GADL1: variants seen among roughly 807,000 people sequenced by gnomAD.
The protein encoded by GADL1 is acidic amino acid decarboxylase GADL1.
In GADL1, 71 loss-of-function variants were observed where a neutral mutation model predicts 69.5. The observed-to-expected ratio is 1.02, with a 90% confidence interval of 0.84 to 1.25. The LOEUF (loss-of-function observed/expected upper bound fraction) is 1.25. Among genes scored for constraint, GADL1 ranks in the 50% most tolerant of loss-of-function variants. GADL1 has a pLI of 0.00. For synonymous variants in GADL1, 254 were observed against 214.4 expected (o/e 1.18, Z -1.62); for missense variants, 737 against 631.8 (o/e 1.17, Z -1.79).
chr3:30,745,930 T>TCCTTCC (rs1156269252), intron 14 of GADL1, among the ~76,000 whole-genome samples: 190 of 151,902 alleles, frequency 1.3e-3, no homozygotes, highest in African/African-American at 4.3e-3. Context: ...CTTCTTCTTC[T>TCCTTCC]CCTTCCCCTT....
At chr3:30,877,079 TATTC>T (rs1301202663) in intron 1 of GADL1, among the ~76,000 whole-genome samples, 12 of 151,884 alleles carry the variant, frequency 7.9e-5, no homozygotes, top group Non-Finnish European at 1.0e-4. Flanking sequence ...TTTGGACAAA[TATTC>T]ATAGCACCCT....
chr3:30,786,998 A>G, intron 12 of GADL1, among the ~76,000 whole-genome samples: 1 of 152,176 alleles, frequency 6.6e-6, no homozygotes, highest in East Asian at 1.9e-4. Context: ...CTGAACAGTG[A>G]GAACACATGG....
At chr3:30,759,862 G>GAT (rs780388949) in intron 14 of GADL1, among the ~76,000 whole-genome samples, 1 of 152,152 alleles carries the variant, frequency 6.6e-6, no homozygotes, top group South Asian at 2.1e-4. Flanking sequence ...AATGTCGGCA[G>GAT]ATATAACAGA....
In GADL1 at chr3:30,870,634, A is replaced by AT. The variant is rs574798078; in HGVS notation, c.38-8870dup. Among the ~76,000 whole-genome samples, 160 of 151,788 alleles carry AT rather than the reference A, an allele frequency of 1.1e-3. 3 individuals carry two copies. The highest frequency in any genetic ancestry group is 3.6e-3 in the African/African-American group (150 of 41,288). On this transcript the variant is annotated intron_variant, in intron 1 of 14. Coordinates refer to ENST00000282538, the MANE Select transcript of GADL1 (RefSeq NM_207359.3). Reference sequence around the variant, plus strand: ...GAACTGTCAAAAGACAGATGTGGAAATAGGGAGACTGCTTAGGTCACAACT... The same window carrying AT: ...GAACTGTCAAAAGACAGATGTGGAAATTAGGGAGACTGCTTAGGTCACAACT...
intron 1 of GADL1, among the ~76,000 whole-genome samples, chr3:30,893,329 C>T (rs1291698854): frequency 2.6e-5 from 4 of 152,068 alleles, no homozygotes; most frequent in African/African-American, 9.7e-5. Context: ...TCAACACATA[C>T]ATACATTGTT....
chr3:30,861,551 T>C lies in GADL1; in HGVS notation c.210+42A>G, dbSNP rs770020040. The stretch of plus-strand genomic sequence containing the variant: ...GCCATACTGATTTGGGGAACATCTA[T>C]CTTTCCCATTTCTGCAATTTCTTAC... On this transcript the variant is annotated intron_variant, in intron 2 of 14. Coordinates refer to ENST00000282538, the MANE Select transcript of GADL1 (RefSeq NM_207359.3). 3 of 1,435,548 alleles carry C rather than the reference T, an allele frequency of 2.1e-6. No homozygotes were observed. The South Asian group carries it at 3.9e-5, about 19-fold the overall frequency. The allele number at this position is 1,435,548 out of a possible 1,614,324, so 88.9% of individuals were successfully genotyped here.
chr3:30,816,527 T>TTCC (rs1559507822), intron 11 of GADL1, among the ~76,000 whole-genome samples: 1 of 126,080 alleles, frequency 7.9e-6, no homozygotes, highest in Admixed American at 8.6e-5. Context: ...CTTAATTTGT[T>TTCC]TTCTTTTTTT....
At chr3:30,851,370 C>T (rs1287943576) in intron 4 of GADL1, among the ~76,000 whole-genome samples, 2 of 152,108 alleles carry the variant, frequency 1.3e-5, no homozygotes, top group African/African-American at 2.4e-5. Flanking sequence ...CTAACAGTCC[C>T]CTCTAGATAT....
rs150682195 is a variant in GADL1 at position 30,789,046 on chromosome 3, G to A, written c.1251-2640C>T. ...ATGAGTCATCAGTGTTTTCAGTGGT[G>A]TATAAAAGGGTAAACCCATAAAATT... is the stretch of plus-strand genomic sequence containing the variant. On this transcript the variant is annotated intron_variant, in intron 12 of 14. Coordinates refer to ENST00000282538, the MANE Select transcript of GADL1 (RefSeq NM_207359.3). Among the ~76,000 whole-genome samples the A allele has an allele frequency of 1.5e-3, 229 of 152,268 alleles. 1 individual carries two copies. Among genetic ancestry groups the A allele is most frequent in the African/African-American group, 5.4e-3 (224 of 41,556 alleles).
At chr3:30,767,866 C>CCTTAT (rs1553637252) in intron 14 of GADL1, among the ~76,000 whole-genome samples, 2 of 152,034 alleles carry the variant, frequency 1.3e-5, no homozygotes, top group South Asian at 2.1e-4. Context: ...TACCCTTATT[C>CCTTAT]AAATTTATAA....
At chr3:30,797,429 A>AGATC (rs1697059478) in intron 12 of GADL1, among the ~76,000 whole-genome samples, 2 of 152,194 alleles carry the variant, frequency 1.3e-5, no homozygotes, top group African/African-American at 2.4e-5. Context: ...ACTAAAACTT[A>AGATC]AATAGCATGT....
chr3:30,732,127 C>A (rs73823682), intron 14 of GADL1, among the ~76,000 whole-genome samples: 21 of 152,288 alleles, frequency 1.4e-4, no homozygotes, highest in African/African-American at 5.1e-4. Context: ...CAGGCATAAT[C>A]CAATGCTAGG....
At chr3:30,871,578 T>G (rs182722775) in intron 1 of GADL1, among the ~76,000 whole-genome samples, 3 of 151,916 alleles carry the variant, frequency 2.0e-5, no homozygotes, top group Admixed American at 2.0e-4. Flanking sequence ...TGGGAGAAAA[T>G]CACTCTGTGC....
At chr3:30,867,455 T>C (rs899505740) in intron 1 of GADL1, among the ~76,000 whole-genome samples, 11 of 149,774 alleles carry the variant, frequency 7.3e-5, no homozygotes, top group Admixed American at 6.7e-4. Flanking sequence ...TATATGTATA[T>C]ATATACATAT....
At chr3:30,742,242 G>A (rs1695636585) in intron 14 of GADL1, among the ~76,000 whole-genome samples, 2 of 151,180 alleles carry the variant, frequency 1.3e-5, no homozygotes, top group African/African-American at 4.8e-5. Context: ...TACATTTGGA[G>A]TGATTTGTAA....
chr3:30,748,014 A>C (rs996775982), intron 14 of GADL1, among the ~76,000 whole-genome samples: 1 of 152,238 alleles, frequency 6.6e-6, no homozygotes, highest in Non-Finnish European at 1.5e-5. Flanking sequence ...TTACAAGTAC[A>C]GCCTACAAAA....
chr3:30,858,480 A>G (rs1188313903), intron 2 of GADL1, among the ~76,000 whole-genome samples: 1 of 152,022 alleles, frequency 6.6e-6, no homozygotes. Flanking sequence ...TGTATTAAAT[A>G]TGTAGTTTTT....
intron 8 of GADL1, among the ~76,000 whole-genome samples, chr3:30,843,814 G>C (rs1698009498): frequency 6.6e-6 from 1 of 152,204 alleles, no homozygotes; most frequent in Non-Finnish European, 1.5e-5. Context: ...ATACAGCCCA[G>C]AGAAAATTGG....
chr3:30,866,254 T>G (rs891605792), intron 1 of GADL1, among the ~76,000 whole-genome samples: 1 of 151,990 alleles, frequency 6.6e-6, no homozygotes, highest in Admixed American at 6.6e-5. Flanking sequence ...GGCCAGGAGT[T>G]TGAGACCAGC....
Sources: gnomAD v4.1 joint callset for allele counts (sites outside exome capture counted in the v4.1 genomes callset) on GRCh38, gnomAD v4.1.1 for gene constraint, MANE v1.5 for transcripts, NCBI Gene and HGNC (gene_info 2026-07-23, HGNC 2026-07-21) for gene names.